SLIT2: variants seen among roughly 807,000 people sequenced by gnomAD.
The protein encoded by SLIT2 is slit guidance ligand 2.
SLIT2 carries 41 observed loss-of-function variants against 185.7 expected under a neutral mutation model. The ratio of observed to expected loss-of-function variants is 0.22; its 90% CI spans 0.17 to 0.29. The LOEUF is 0.29. SLIT2 is among the 10% of genes least tolerant of loss of function. The probability of loss-of-function intolerance (pLI) is 1.00; values close to 1 mark genes in which losing one functional copy is unlikely to be tolerated. For missense variants in SLIT2, 1,571 were observed against 1,909.0 expected, an observed-to-expected ratio of 0.82 and a Z score of 3.30; for synonymous variants, 693 against 680.2, an observed-to-expected ratio of 1.02 and a Z score of -0.29.
At chr4:20,614,943 G>A (rs539598504) in intron 34 of SLIT2, 3 of 152,146 alleles carry the variant, frequency 2.0e-5, no homozygotes, top group Non-Finnish European at 4.4e-5. Flanking sequence ...TCTAGTCAAA[G>A]CTGGGCTTTT....
intron 4 of SLIT2, among the ~76,000 whole-genome samples, chr4:20,364,105 C>G (rs1722937445): frequency 6.6e-6 from 1 of 152,142 alleles, no homozygotes; most frequent in Non-Finnish European, 1.5e-5. Context: ...CGTCTTTGCT[C>G]TTGTCCATCA....
chr4:20,256,721 G>T lies in SLIT2; in HGVS notation c.229G>T (p.Gly77Cys). The change falls in exon 2 of 37, where the codon GGT becomes TGT. Residue 77 changes from glycine (G) to cysteine (C), a missense_variant. Gly to Cys is a radical substitution (Grantham distance 159). This residue lies in a region of SLIT2 where 1,202 missense variants were observed against 1,416.4 expected (regional missense o/e 0.85). Coordinates refer to ENST00000504154, the MANE Select transcript of SLIT2 (RefSeq NM_004787.4). ...AAGAATTACGAAGACAGATTTTGCT[G>T]GTCTTAGACATCTAAGAGTTCTGTA... is the stretch of plus-strand genomic sequence containing the variant. ...ITRITKTDFA[G>C]LRHLRVLQLM... The T allele has an allele frequency of 6.4e-7, 1 of 1,561,172 alleles. No individual in the cohort carries two copies. The highest frequency in any genetic ancestry group is 1.2e-5 in the South Asian group (1 of 86,204).
At chr4:20,314,955 A>G (rs1169121623) in intron 4 of SLIT2, among the ~76,000 whole-genome samples, 3 of 152,020 alleles carry the variant, frequency 2.0e-5, no homozygotes, top group Non-Finnish European at 4.4e-5. Context: ...GCACATTTCT[A>G]CACAGGGATA....
intron 28 of SLIT2, 56 bp from the exon 29 acceptor site, chr4:20,568,809 A>G: frequency 6.5e-7 from 1 of 1,535,082 alleles, no homozygotes; most frequent in Non-Finnish European, 8.9e-7. Flanking sequence ...TTTAGACCAC[A>G]TGACTTTAAA....
chr4:20,414,017 A>T (rs1490964328), intron 4 of SLIT2, among the ~76,000 whole-genome samples: 1 of 151,954 alleles, frequency 6.6e-6, no homozygotes. Context: ...TTTGTTTTCC[A>T]TATGTTTTAT....
At chr4:20,273,331 AATT>A (rs1477348785) in intron 4 of SLIT2, among the ~76,000 whole-genome samples, 2 of 152,222 alleles carry the variant, frequency 1.3e-5, no homozygotes, top group African/African-American at 2.4e-5. Flanking sequence ...TATACTTATC[AATT>A]ATTATCTTAG....
Position 20,468,682 on chromosome 4 carries a change from A to T in SLIT2, c.467+859A>T, listed in dbSNP as rs563376939. 3.3e-5 allele frequency among the ~76,000 whole-genome samples: 5 copies of T among 152,254 alleles called. No individual in the cohort carries two copies. The South Asian group carries it at 1.0e-3, about 32-fold the overall frequency. ...TGATAGACTATGAATCCTAGGACAT[A>T]AATGTTTTTCTTAGCTTTTACATTA... is the stretch of plus-strand genomic sequence containing the variant. On this transcript the variant is annotated intron_variant, in intron 5 of 36. Transcript: ENST00000504154.
At chr4:20,387,403 CAA>C (rs35431648) in intron 4 of SLIT2, among the ~76,000 whole-genome samples, 1 of 149,118 alleles carries the variant, frequency 6.7e-6, no homozygotes, top group Non-Finnish European at 1.5e-5. Flanking sequence ...ATTATGTTCT[CAA>C]AAAAAAACAG....
intron 4 of SLIT2, among the ~76,000 whole-genome samples, chr4:20,430,901 G>A (rs949240993): frequency 2.0e-5 from 3 of 151,962 alleles, no homozygotes; most frequent in African/African-American, 2.4e-5. Context: ...GTATACCATC[G>A]ACACACACGC....
chr4:20,342,361 A>G (rs1216361644), intron 4 of SLIT2, among the ~76,000 whole-genome samples: 1 of 152,164 alleles, frequency 6.6e-6, no homozygotes, highest in Non-Finnish European at 1.5e-5. Context: ...TAAAATGGAA[A>G]AATGAATTAT....
At chr4:20,318,647 C>G (rs200749019) in intron 4 of SLIT2, among the ~76,000 whole-genome samples, 1 of 146,434 alleles carries the variant, frequency 6.8e-6, no homozygotes, top group African/African-American at 2.5e-5. Flanking sequence ...ATTTTTTTTT[C>G]CTTCTCAGTT....
At chr4:20,268,780 A>C (rs1390046119) in intron 3 of SLIT2, 30 bp from the exon 4 acceptor site, 1 of 1,459,472 alleles carries the variant, frequency 6.9e-7, no homozygotes, top group Non-Finnish European at 9.6e-7. Flanking sequence ...TTTCTATGTA[A>C]CATAAGCTTT....
At chr4:20,448,576 C>T (rs1175540117) in intron 4 of SLIT2, among the ~76,000 whole-genome samples, 3 of 152,128 alleles carry the variant, frequency 2.0e-5, no homozygotes, top group Admixed American at 2.0e-4. Context: ...CCACCTCAGC[C>T]TCCCAGAGTG....
intron 3 of SLIT2, among the ~76,000 whole-genome samples, chr4:20,263,227 G>GT (rs1712675773): frequency 6.6e-6 from 1 of 151,668 alleles, no homozygotes; most frequent in Admixed American, 6.6e-5. Flanking sequence ...TTGCCATTAT[G>GT]TTTTTTCAAA....
intron 9 of SLIT2, among the ~76,000 whole-genome samples, chr4:20,494,735 G>A (rs919413645): frequency 8.7e-5 from 13 of 149,996 alleles, no homozygotes; most frequent in South Asian, 4.2e-4. Context: ...CCGAGATAGC[G>A]CCACTGCACT....
chr4:20,258,805 A>G (rs1712131266), intron 3 of SLIT2, among the ~76,000 whole-genome samples: 1 of 151,838 alleles, frequency 6.6e-6, no homozygotes, highest in East Asian at 1.9e-4. Context: ...AGAAACAACA[A>G]TTATTTTAAT....
At chr4:20,617,771 G>C in intron 36 of SLIT2, 121 bp downstream of exon 36, 1 of 675,578 alleles carries the variant, frequency 1.5e-6, no homozygotes, top group East Asian at 2.7e-5. Flanking sequence ...GAGACAGAGA[G>C]AGGGGAGTGA....
chr4:20,294,751 G>A (rs1716303161), intron 4 of SLIT2, among the ~76,000 whole-genome samples: 1 of 152,160 alleles, frequency 6.6e-6, no homozygotes, highest in Non-Finnish European at 1.5e-5. Flanking sequence ...GTTAATGAAA[G>A]GTAGATAGCC....
chr4:20,295,951 C>T (rs1382386192), intron 4 of SLIT2, among the ~76,000 whole-genome samples: 2 of 152,180 alleles, frequency 1.3e-5, no homozygotes, highest in African/African-American at 4.8e-5. Flanking sequence ...GAGATATTTG[C>T]ACTTTATCTG....
Sources: gnomAD v4.1 joint callset for allele counts (sites outside exome capture counted in the v4.1 genomes callset) on GRCh38, gnomAD v4.1.1 for gene constraint, gnomAD v4.1.1 regional missense constraint, MANE v1.5 for transcripts, NCBI Gene and HGNC (gene_info 2026-07-23, HGNC 2026-07-21) for gene names.